XPO5: variants seen among roughly 807,000 people sequenced by gnomAD.
The protein encoded by XPO5 is exportin 5.
A neutral mutation model predicts 160.6 loss-of-function variants in XPO5; 46 were observed. The observed-to-expected ratio is 0.29, with a 90% CI of 0.23 to 0.37. XPO5 has a LOEUF of 0.37. Among genes scored for constraint, XPO5 ranks in the 10% least tolerant of loss-of-function variants. The pLI is 1.00. For missense variants in XPO5, 1,090 were observed against 1,463.9 expected (o/e 0.74, Z 4.17); for synonymous variants, 537 against 519.3 (o/e 1.03, Z -0.46).
chr6:43,541,337 T>C (rs1292423339), intron 20 of XPO5, among the ~76,000 whole-genome samples: 1 of 152,234 alleles, frequency 6.6e-6, no homozygotes, highest in African/African-American at 2.4e-5. Flanking sequence ...GTGATTATTA[T>C]TATGCATTGC....
intron 20 of XPO5, among the ~76,000 whole-genome samples, chr6:43,536,757 C>CT (rs757097319): frequency 1.0e-4 from 4 of 38,952 alleles, no homozygotes; most frequent in African/African-American, 3.9e-4. Flanking sequence ...GAGACTCTAT[C>CT]TAAAAAAAAA....
At position 43,549,950 on chromosome 6, in the gene XPO5, A is replaced by T. The variant is rs761369158; in HGVS notation, c.1729-16T>A. ...ATGAAAATAGCTAAGGGAGAGGAGG[A>T]AAAAAGGTCACTCATGTTTATTTGT... On this transcript the variant is annotated splice_polypyrimidine_tract_variant and intron_variant, in intron 15 of 31. Coordinates refer to ENST00000265351, the MANE Select transcript of XPO5 (RefSeq NM_020750.3). 3 of 1,610,248 alleles carry T rather than the reference A, an allele frequency of 1.9e-6. No individual in the cohort carries two copies. In the Admixed American group the frequency reaches 5.0e-5, roughly 27 times the overall value.
chr6:43,530,643 A>G lies in XPO5; in HGVS notation c.2677+45T>C, dbSNP rs115112548. The G allele has an allele frequency of 0.038, 60,810 of 1,601,110 alleles. 1,627 individuals carry two copies. The highest frequency in any genetic ancestry group is 0.11 in the African/African-American group (8,241 of 74,136). On this transcript the variant is annotated intron_variant, in intron 23 of 31. Transcript: ENST00000265351. ...TGTGACCTGTTTTGTTTCTCTCTCT[A>G]ATTTTCTGACCTTTTGGGTTATGTA...
intron 20 of XPO5, among the ~76,000 whole-genome samples, chr6:43,536,833 C>G (rs577011497): frequency 5.8e-4 from 68 of 118,180 alleles, no homozygotes; most frequent in Middle Eastern, 7.0e-3. Flanking sequence ...AAAATTTTTT[C>G]TGTGTGTGGT....
At chr6:43,526,515 T>C in intron 27 of XPO5, 170 bp downstream of exon 27, 1 of 685,268 alleles carries the variant, frequency 1.5e-6, no homozygotes, top group East Asian at 2.8e-5. Flanking sequence ...GTGCAAAGGC[T>C]TGGAGGTGGG....
chr6:43,567,935 CAAAA>C (rs760267973), intron 6 of XPO5, among the ~76,000 whole-genome samples: 4 of 75,208 alleles, frequency 5.3e-5, no homozygotes, highest in Admixed American at 1.5e-4. Context: ...GACCCTGTGT[CAAAA>C]AAAAAAAAAA....
chr6:43,565,258 G>A (rs1028438066), intron 8 of XPO5, among the ~76,000 whole-genome samples: 3 of 152,000 alleles, frequency 2.0e-5, no homozygotes, highest in African/African-American at 7.2e-5. Context: ...ACTGTCGATT[G>A]ACAGCTAGCA....
chr6:43,558,599 A>G lies in XPO5; in HGVS notation c.1222-8T>C, dbSNP rs1762238932. ...TTTAGAAGGAAAGCCCATCTGGAAAAAGAAAGGTAATTGGGGTAGGGGATG... is the reference window on the plus strand; with the variant it reads ...TTTAGAAGGAAAGCCCATCTGGAAAGAGAAAGGTAATTGGGGTAGGGGATG... On this transcript the variant is annotated splice_polypyrimidine_tract_variant and splice_region_variant and intron_variant, in intron 11 of 31. Transcript: ENST00000265351. 6.4e-7 allele frequency: 1 copy of G among 1,571,856 alleles called. No individual in the cohort carries two copies. The highest frequency in any genetic ancestry group is 8.6e-7 in the Non-Finnish European group (1 of 1,160,580).
intron 11 of XPO5, chr6:43,559,057 G>A: frequency 6.5e-6 from 1 of 153,200 alleles, no homozygotes; most frequent in Non-Finnish European, 1.5e-5. Flanking sequence ...AGCACTTTGG[G>A]AGGCCGAGGC....
At chr6:43,553,635 G>A in intron 13 of XPO5, 132 bp from the exon 14 acceptor site, 3 of 1,424,750 alleles carry the variant, frequency 2.1e-6, no homozygotes, top group Non-Finnish European at 2.7e-6. Context: ...TGAAGGAGCA[G>A]GGTAATCTAA....
chr6:43,529,384 A>C, intron 23 of XPO5: 2 of 362,074 alleles, frequency 5.5e-6, no homozygotes, highest in Non-Finnish European at 5.2e-6. Flanking sequence ...CTACTAAAAA[A>C]AAAAAAAAAA....
Position 43,549,509 on chromosome 6 carries a change from C to A in XPO5, c.1840G>T (p.Asp614Tyr). 6.2e-7 allele frequency: 1 copy of A among 1,612,604 alleles called. No homozygotes were observed. The highest frequency in any genetic ancestry group is 8.5e-7 in the Non-Finnish European group (1 of 1,179,522). Residue 614 changes from aspartate (D) to tyrosine (Y), a missense_variant, in exon 17 of 32, where the codon GAC (aspartate) becomes TAC (tyrosine). Physicochemically the swap from Asp to Tyr is radical, Grantham distance 160. This residue lies in a region of XPO5 where 810 missense variants were observed against 1,139.0 expected (regional missense o/e 0.71). Coordinates refer to ENST00000265351, the MANE Select transcript of XPO5 (RefSeq NM_020750.3). Reference protein sequence around the residue: ...ACSSIIKMCRDYPQLVLPNFD... With the variant: ...ACSSIIKMCRYYPQLVLPNFD... ...CTTACCAGCACAAGCTGGGGGTAGTCACGACACATCTTGATGATGGAGGAA... is the reference window on the plus strand; with the variant it reads ...CTTACCAGCACAAGCTGGGGGTAGTAACGACACATCTTGATGATGGAGGAA...
intron 27 of XPO5, 85 bp downstream of exon 27, chr6:43,526,600 G>A: frequency 1.3e-6 from 2 of 1,492,016 alleles, no homozygotes; most frequent in Non-Finnish European, 9.2e-7. Flanking sequence ...CTCCTCACCA[G>A]ACTGCAAGGA....
chr6:43,523,466 G>A lies in XPO5; in HGVS notation c.*402C>T. 1 of 355,406 alleles carries A rather than the reference G, an allele frequency of 2.8e-6. No homozygotes were observed. The highest frequency in any genetic ancestry group is 5.5e-6 in the Non-Finnish European group (1 of 180,396). The allele number at this position is 355,406 out of a possible 1,614,324, so 22.0% of individuals were successfully genotyped here. A position where few individuals can be genotyped will look rare whatever the true frequency, so the allele number is the denominator to read the frequency against. On this transcript the variant is annotated 3_prime_UTR_variant, in exon 32 of 32. Coordinates refer to ENST00000265351, the MANE Select transcript of XPO5 (RefSeq NM_020750.3). Reference sequence around the variant, plus strand: ...AGAAACTCTGGCACAAGTAGTTGAGGGCTGTGCTCTTGCTGCGAGCCTTGC... The same window carrying A: ...AGAAACTCTGGCACAAGTAGTTGAGAGCTGTGCTCTTGCTGCGAGCCTTGC...
chr6:43,566,893 TTTAAAC>T (rs1762726808), intron 7 of XPO5, among the ~76,000 whole-genome samples: 2 of 152,090 alleles, frequency 1.3e-5, no homozygotes, highest in South Asian at 2.1e-4. Context: ...TTAAGTGAGC[TTTAAAC>T]TTAAACATTT....
chr6:43,549,471 C>G lies in XPO5; in HGVS notation c.1860+18G>C, dbSNP rs1315465697. The G allele has an allele frequency of 1.9e-6, 3 of 1,582,424 alleles. No homozygotes were observed. Among genetic ancestry groups the G allele is most frequent in the South Asian group, 2.3e-5 (2 of 86,500 alleles). Reference sequence around the variant, plus strand: ...TGTAACCAAACTTGGCTACTTCAGCCAGGGTCCAGCAGCTTACCAGCACAA... The same window carrying G: ...TGTAACCAAACTTGGCTACTTCAGCGAGGGTCCAGCAGCTTACCAGCACAA... On this transcript the variant is annotated intron_variant, in intron 17 of 31. Transcript: ENST00000265351.
Position 43,548,334 on chromosome 6 carries a change from C to G in XPO5, c.1987G>C (p.Glu663Gln). 6.2e-7 allele frequency: 1 copy of G among 1,613,552 alleles called. No homozygotes were observed. Among genetic ancestry groups the G allele is most frequent in the South Asian group, 1.1e-5 (1 of 91,032 alleles). The change falls in exon 18 of 32, where the codon GAG (glutamate) becomes CAG (glutamine). Residue 663 changes from glutamate (E) to glutamine (Q), a missense_variant. Physicochemically the swap from Glu to Gln is conservative, Grantham distance 29. Coordinates refer to ENST00000265351, the MANE Select transcript of XPO5 (RefSeq NM_020750.3). ...TCCTCTAGGAACACCTTCTGACGCT[C>G]GTAGTTCTTAAATTGGTTGCTAATG... ...VLISNQFKNY[E>Q]RQKVFLEELM... is the part of the protein sequence containing the mutation.
chr6:43,532,784 T>C (rs1794062546), intron 21 of XPO5, among the ~76,000 whole-genome samples: 1 of 152,220 alleles, frequency 6.6e-6, no homozygotes, highest in Non-Finnish European at 1.5e-5. Flanking sequence ...ACCACAATTA[T>C]GACTGCACAG....
intron 20 of XPO5, among the ~76,000 whole-genome samples, chr6:43,534,514 C>A (rs959075676): frequency 6.6e-6 from 1 of 152,180 alleles, no homozygotes; most frequent in East Asian, 1.9e-4. Flanking sequence ...AAATGACCTA[C>A]CTGAGCAATT....
Sources: gnomAD v4.1 joint callset for allele counts (sites outside exome capture counted in the v4.1 genomes callset) on GRCh38, gnomAD v4.1.1 for gene constraint, gnomAD v4.1.1 regional missense constraint, MANE v1.5 for transcripts, NCBI Gene and HGNC (gene_info 2026-07-23, HGNC 2026-07-21) for gene names.